Variants in TAF1 observed in about 807,000 individuals in gnomAD.
TAF1 encodes transcription initiation factor TFIID subunit 1.
Under a neutral mutation model 138.5 loss-of-function variants are expected in TAF1, and 2 were observed. The ratio of observed to expected loss-of-function variants is 0.01; its 90% CI spans 0.01 to 0.05. TAF1 has a LOEUF of 0.05. Ranked by LOEUF, TAF1 falls within the 10% of genes least tolerant of loss-of-function variation. The pLI, the probability that TAF1 is intolerant of heterozygous loss-of-function variation, is 1.00. For synonymous variants in TAF1, 437 were observed against 503.2 expected (o/e 0.87, Z 1.76); for missense variants, 709 against 1,478.0 (o/e 0.48, Z 8.53).
At chrX:71,458,107 G>T (rs774958475) in intron 34 of TAF1, 134 bp from the exon 35 acceptor site, 74 of 867,217 alleles carry the variant, frequency 8.5e-5, no homozygotes, top group Non-Finnish European at 1.1e-4. Flanking sequence ...CTGTAAAGCT[G>T]TGTCAAACTA....
intron 32 of TAF1, among the ~76,000 whole-genome samples, chrX:71,430,312 A>G (rs1210850656): frequency 9.7e-5 from 10 of 102,645 alleles, no homozygotes; most frequent in Admixed American, 3.3e-4. Context: ...GGAACCCGGG[A>G]GGCCGAGCTT....
chrX:71,500,719 A>C (rs1371580716), intron 13 of TAF1, among the ~76,000 whole-genome samples: 2 of 110,696 alleles, frequency 1.8e-5, no homozygotes, highest in African/African-American at 6.6e-5. Context: ...TTAGAGTCCT[A>C]AGCATCCTCC....
intron 25 of TAF1, among the ~76,000 whole-genome samples, chrX:71,404,556 C>T (rs1444139284): frequency 1.8e-5 from 2 of 110,701 alleles, no homozygotes; most frequent in Non-Finnish European, 3.8e-5. Flanking sequence ...AGGCTGGTCT[C>T]GAACTCCCGA....
chrX:71,483,098 C>T (rs1314680546), intron 13 of TAF1, among the ~76,000 whole-genome samples: 1 of 107,387 alleles, frequency 9.3e-6, no homozygotes, highest in Non-Finnish European at 1.9e-5. Flanking sequence ...GCCTCTCTAG[C>T]AGCTGGGACT....
At chrX:71,370,234 A>G (rs2032945909) in intron 3 of TAF1, among the ~76,000 whole-genome samples, 1 of 111,450 alleles carries the variant, frequency 9.0e-6, no homozygotes, top group Admixed American at 9.5e-5. Flanking sequence ...TCAAAAGATA[A>G]TGAAGTCCAT....
intron 13 of TAF1, among the ~76,000 whole-genome samples, chrX:71,478,344 A>G (rs2039014923): frequency 9.1e-6 from 1 of 110,411 alleles, no homozygotes. Flanking sequence ...ACAAGAGTGA[A>G]CCCCCTTCTC....
intron 28 of TAF1, among the ~76,000 whole-genome samples, chrX:71,408,548 T>C (rs2035593782): frequency 9.0e-6 from 1 of 111,275 alleles, no homozygotes. Flanking sequence ...AACTCCTGAC[T>C]TCGTCATCCA....
Position 71,367,480 on chromosome X carries a change from C to T in TAF1, c.121-19C>T, listed in dbSNP as rs374719873. 8 of 1,206,356 alleles carry T rather than the reference C, an allele frequency of 6.6e-6. No homozygotes were observed. The highest frequency in any genetic ancestry group is 2.2e-6 in the Non-Finnish European group (2 of 892,792). ...GTAGGTTTAGTTGTTATCTTCGACT[C>T]GTGCTGTCCCTTTTTCAGGAATGTA... On this transcript the variant is annotated intron_variant, in intron 1 of 37. Transcript: ENST00000423759.
At chrX:71,376,399 GT>G (rs1316994111) in intron 4 of TAF1, among the ~76,000 whole-genome samples, 2 of 111,220 alleles carry the variant, frequency 1.8e-5, no homozygotes, top group African/African-American at 6.5e-5. Flanking sequence ...GCCAGGTGTG[GT>G]GGCTCACACC....
chrX:71,377,659 G>C lies in TAF1; in HGVS notation c.771G>C (p.Arg257=). The change falls in exon 6 of 38, where the codon CGG becomes CGC. Residue 257 remains arginine (R), a synonymous_variant. Coordinates refer to ENST00000423759, the MANE Select transcript of TAF1 (RefSeq NM_004606.5). ...GGAAGAATGTCCCATCTGTTTGGCGGAGTGCTCGGAGAAAGAGGAAGAAGA... is the reference window on the plus strand; with the variant it reads ...GGAAGAATGTCCCATCTGTTTGGCGCAGTGCTCGGAGAAAGAGGAAGAAGA... ...GPGKNVPSVW[R]SARRKRKKKH... The C allele has an allele frequency of 1.7e-6, 2 of 1,211,362 alleles. No homozygotes were observed. Among genetic ancestry groups the C allele is most frequent in the Non-Finnish European group, 2.2e-6 (2 of 895,525 alleles).
intron 8 of TAF1, among the ~76,000 whole-genome samples, chrX:71,380,836 G>A (rs1452131427): frequency 1.8e-5 from 2 of 110,989 alleles, no homozygotes; most frequent in East Asian, 5.6e-4. Context: ...GATTATAGGC[G>A]TGCACCGCTG....
At chrX:71,475,389 G>C (rs908982431) in intron 13 of TAF1, among the ~76,000 whole-genome samples, 117 of 109,577 alleles carry the variant, frequency 1.1e-3, no homozygotes, top group African/African-American at 3.6e-3. Flanking sequence ...TTTGAGACCA[G>C]CCTGGCCAAT....
chrX:71,453,292 C>G (rs941942034), intron 32 of TAF1, among the ~76,000 whole-genome samples: 1 of 111,321 alleles, frequency 9.0e-6, no homozygotes, highest in Non-Finnish European at 1.9e-5. Context: ...GGCGTTGTGG[C>G]TCACGCCTGT....
chrX:71,473,441 C>T (rs1310267702), intron 13 of TAF1, among the ~76,000 whole-genome samples: 3 of 110,225 alleles, frequency 2.7e-5, no homozygotes, highest in Non-Finnish European at 3.8e-5. Flanking sequence ...GAGGCTGAGG[C>T]GGGATGATCA....
intron 32 of TAF1, among the ~76,000 whole-genome samples, chrX:71,441,468 G>A (rs2037417630): frequency 9.1e-6 from 1 of 110,446 alleles, no homozygotes; most frequent in Admixed American, 9.7e-5. Context: ...ATTCTTGAGG[G>A]CACATAATTA....
intron 13 of TAF1, among the ~76,000 whole-genome samples, chrX:71,496,600 T>C (rs1011005943): frequency 4.6e-5 from 5 of 109,881 alleles, no homozygotes; most frequent in Non-Finnish European, 9.5e-5. Flanking sequence ...TCTGCCTGCC[T>C]CTCTCTTTGA....
intron 13 of TAF1, among the ~76,000 whole-genome samples, chrX:71,487,603 G>T (rs1021083004): frequency 1.8e-5 from 2 of 111,528 alleles, no homozygotes; most frequent in African/African-American, 6.5e-5. Context: ...AATTACAGGC[G>T]TGAGCCACCG....
chrX:71,460,642 A>C lies in TAF1; in HGVS notation c.5238A>C (p.Glu1746Asp). Residue 1746 changes from glutamate to aspartate, a missense_variant, in exon 37 of 38, where the codon GAA (glutamate) becomes GAC (aspartate). By Grantham distance (45) the Glu-to-Asp change is conservative (BLOSUM62 2). Around this residue, in one of 14 missense-constraint regions of TAF1, gnomAD observed 123 missense variants for 174.7 expected, o/e 0.70. Coordinates refer to ENST00000423759, the MANE Select transcript of TAF1 (RefSeq NM_004606.5). ...TTTTTACAGCTATCCAGCTGAGTGA[A>C]AGTGGAAGTGACTCTGATGTGGGAT... ...DNPFSAIQLS[E>D]SGSDSDVGSG... 8.3e-7 allele frequency: 1 copy of C among 1,211,585 alleles called. No homozygotes were observed. Among genetic ancestry groups the C allele is most frequent in the Non-Finnish European group, 1.1e-6 (1 of 895,373 alleles).
intron 13 of TAF1, among the ~76,000 whole-genome samples, chrX:71,512,676 G>A (rs1189424817): frequency 9.0e-6 from 1 of 110,994 alleles, no homozygotes; most frequent in Non-Finnish European, 1.9e-5. Context: ...AAATTTGCCG[G>A]GCATGGTGGC....
Sources: gnomAD v4.1 joint callset for allele counts (sites outside exome capture counted in the v4.1 genomes callset) on GRCh38, gnomAD v4.1.1 for gene constraint, gnomAD v4.1.1 regional missense constraint, MANE v1.5 for transcripts, NCBI Gene and HGNC (gene_info 2026-07-23, HGNC 2026-07-21) for gene names.